CDKL3: variants seen among roughly 807,000 people sequenced by gnomAD.
The protein encoded by CDKL3 is cyclin-dependent kinase-like 3.
CDKL3 carries 65 observed loss-of-function variants against 69.3 expected under a neutral mutation model. The observed-to-expected ratio is 0.94, with a 90% CI of 0.77 to 1.15. The LOEUF (loss-of-function observed/expected upper bound fraction) is 1.15. CDKL3 is among the 50% of genes most tolerant of loss of function. CDKL3 has a pLI of 0.00. For missense variants in CDKL3, 652 were observed against 689.2 expected (o/e 0.95, Z 0.61); for synonymous variants, 202 against 221.6 (o/e 0.91, Z 0.79).
chr5:134,364,966 C>T (rs1485559403), intron 2 of CDKL3, among the ~76,000 whole-genome samples: 5 of 150,994 alleles, frequency 3.3e-5, no homozygotes, highest in East Asian at 1.9e-4. Flanking sequence ...GACACTATGC[C>T]TGGCTAATTT....
intron 4 of CDKL3, among the ~76,000 whole-genome samples, chr5:134,332,933 ATG>A (rs1776167857): frequency 6.6e-6 from 1 of 152,182 alleles, no homozygotes; most frequent in African/African-American, 2.4e-5. Flanking sequence ...TGGGCATGGA[ATG>A]TTCTTCCATT....
intron 4 of CDKL3, among the ~76,000 whole-genome samples, chr5:134,332,540 T>C (rs566900451): frequency 2.0e-5 from 3 of 152,342 alleles, no homozygotes; most frequent in African/African-American, 7.2e-5. Context: ...GCACCGTTTA[T>C]TAAATAGGGA....
chr5:134,329,718 C>T (rs899550316), intron 4 of CDKL3, among the ~76,000 whole-genome samples: 2 of 152,086 alleles, frequency 1.3e-5, no homozygotes, highest in Admixed American at 6.5e-5. Context: ...ATCCACCCAC[C>T]TCGGCCTCCC....
At chr5:134,352,488 A>G (rs924636389) in intron 3 of CDKL3, among the ~76,000 whole-genome samples, 7 of 151,894 alleles carry the variant, frequency 4.6e-5, no homozygotes, top group Non-Finnish European at 8.8e-5. Flanking sequence ...TTTAGTGGAG[A>G]TGGGGTTTCA....
intron 4 of CDKL3, among the ~76,000 whole-genome samples, chr5:134,322,745 G>A (rs1773115751): frequency 6.6e-6 from 1 of 152,170 alleles, no homozygotes; most frequent in African/African-American, 2.4e-5. Context: ...ACTTTGGGAG[G>A]CCAAGGCAGG....
At position 134,310,061 on chromosome 5, in the gene CDKL3, G is replaced by A. The variant is rs1323885531; in HGVS notation, c.882-1334C>T. ...GCCCAGGCTGGTCTTGAACTCCTAC[G>A]TTCAAGCAATCCGCCTGCTTCGGCC... On this transcript the variant is annotated intron_variant, in intron 7 of 12. Transcript: ENST00000265334. 2.6e-5 allele frequency among the ~76,000 whole-genome samples: 4 copies of A among 152,038 alleles called. No homozygotes were observed. The South Asian group carries it at 6.2e-4, about 24-fold the overall frequency.
upstream of CDKL3, among the ~76,000 whole-genome samples, chr5:134,370,570 T>C (rs569836413): frequency 5.1e-4 from 77 of 152,322 alleles, no homozygotes; most frequent in South Asian, 7.2e-3. Context: ...TCCCCCACCA[T>C]AGGCAAGTCC....
At chr5:134,335,069 G>A (rs892865031) in intron 4 of CDKL3, among the ~76,000 whole-genome samples, 2 of 151,446 alleles carry the variant, frequency 1.3e-5, no homozygotes, top group African/African-American at 2.4e-5. Flanking sequence ...ATTATGTAAC[G>A]GCCTTCTTTG....
chr5:134,335,191 C>T (rs1233920840), intron 4 of CDKL3, among the ~76,000 whole-genome samples: 2 of 149,532 alleles, frequency 1.3e-5, no homozygotes, highest in African/African-American at 4.9e-5. Context: ...CTTCCTCCAT[C>T]CCTTTATTTT....
intron 12 of CDKL3, chr5:134,302,017 T>G: frequency 2.6e-6 from 1 of 383,722 alleles, no homozygotes; most frequent in Non-Finnish European, 5.2e-6. Context: ...CAGCACAATC[T>G]CTCTCTCTTA....
At chr5:134,363,410 C>G (rs1050906330) in intron 2 of CDKL3, among the ~76,000 whole-genome samples, 1 of 150,938 alleles carries the variant, frequency 6.6e-6, no homozygotes, top group African/African-American at 2.4e-5. Context: ...TCTCCTGCCT[C>G]AGCCTCTTGT....
chr5:134,360,053 A>G lies in CDKL3; in HGVS notation c.204T>C (p.Val68=). Residue 68 remains valine, a synonymous_variant, in exon 3 of 13, where the codon GTT becomes GTC. Coordinates refer to ENST00000265334, the MANE Select transcript of CDKL3 (RefSeq NM_001113575.2). The part of the protein sequence containing the change: ...HHENLVNLIE[V]FRQKKKIHLV... ...AATGAATTTTCTTTTTCTGTCTAAA[A>G]ACTTCAATCAGATTGACCAGGTTTT... 1 of 1,549,628 alleles carries G rather than the reference A, an allele frequency of 6.5e-7. No individual in the cohort carries two copies. Among genetic ancestry groups the G allele is most frequent in the East Asian group, 2.4e-5 (1 of 41,686 alleles).
At chr5:134,359,725 T>C (rs1039475501) in intron 3 of CDKL3, among the ~76,000 whole-genome samples, 172 bp downstream of exon 3, 1 of 152,238 alleles carries the variant, frequency 6.6e-6, no homozygotes, top group Non-Finnish European at 1.5e-5. Context: ...CAATATTTTT[T>C]GGTTCTGCAA....
chr5:134,315,559 C>G (rs1580904653), intron 6 of CDKL3, among the ~76,000 whole-genome samples: 1 of 152,082 alleles, frequency 6.6e-6, no homozygotes, highest in Non-Finnish European at 1.5e-5. Flanking sequence ...GTCTGGAACA[C>G]GTGGCCTCAA....
rs1376729064 is a variant in CDKL3, at chr5:134,302,655, T to A, written c.1654A>T (p.Lys552Ter). The change falls in exon 12 of 13, where the codon AAG becomes TAG. Residue 552 changes from lysine to a stop codon, truncating the protein, a stop_gained. Transcript: ENST00000265334. LOFTEE classifies it high-confidence loss of function. ...GGTATCTTAGATGACTCTGTTTTCT[T>A]TGACTCCCTCTTCAGCATTTTTATC... Reference protein sequence around the residue: ...KQIKMLKRESKKTESSKIPTL... With the variant: ...KQIKMLKRES 3 of 1,601,598 alleles carry A rather than the reference T, an allele frequency of 1.9e-6. No individual in the cohort carries two copies. The highest frequency in any genetic ancestry group is 8.5e-7 in the Non-Finnish European group (1 of 1,173,378).
intron 4 of CDKL3, among the ~76,000 whole-genome samples, chr5:134,339,817 T>C (rs1750003447): frequency 6.6e-6 from 1 of 152,114 alleles, no homozygotes; most frequent in Non-Finnish European, 1.5e-5. Context: ...TTTGACGAAA[T>C]AACCAATGGG....
intron 6 of CDKL3, among the ~76,000 whole-genome samples, chr5:134,314,447 A>G (rs1770454996): frequency 6.6e-6 from 1 of 152,192 alleles, no homozygotes; most frequent in Non-Finnish European, 1.5e-5. Flanking sequence ...GTTCTTAGAT[A>G]TTTCTGCAGG....
intron 2 of CDKL3, among the ~76,000 whole-genome samples, chr5:134,363,532 C>A (rs1483610162): frequency 6.7e-6 from 1 of 148,968 alleles, no homozygotes; most frequent in Non-Finnish European, 1.5e-5. Context: ...GCAATCTCAG[C>A]TCACTGCAAC....
intron 3 of CDKL3, among the ~76,000 whole-genome samples, chr5:134,358,973 C>CGG (rs1203222723): frequency 2.0e-5 from 3 of 152,132 alleles, no homozygotes; most frequent in Admixed American, 2.0e-4. Flanking sequence ...TGCTTTATAC[C>CGG]TAGTACCTAA....
Sources: gnomAD v4.1 joint callset for allele counts (sites outside exome capture counted in the v4.1 genomes callset) on GRCh38, gnomAD v4.1.1 for gene constraint, MANE v1.5 for transcripts, NCBI Gene and HGNC (gene_info 2026-07-23, HGNC 2026-07-21) for gene names.